Variants in MYO3B observed in about 807,000 individuals in gnomAD.
The protein encoded by MYO3B is myosin IIIB, also known as myosin-IIIb.
In MYO3B, 156 loss-of-function variants were observed where a neutral mutation model predicts 174.6. The observed-to-expected ratio is 0.89, with a 90% CI of 0.78 to 1.02. The LOEUF is 1.02. Among genes scored for constraint, MYO3B ranks in the 50% least tolerant of loss-of-function variants. MYO3B has a pLI of 0.00. For missense variants in MYO3B, 1,632 were observed against 1,639.4 expected, an observed-to-expected ratio of 1.00 and a Z score of 0.08; for synonymous variants, 563 against 569.1, an observed-to-expected ratio of 0.99 and a Z score of 0.15.
At chr2:170,469,635 C>T (rs1684849757) in intron 25 of MYO3B, among the ~76,000 whole-genome samples, 1 of 152,128 alleles carries the variant, frequency 6.6e-6, no homozygotes, top group African/African-American at 2.4e-5. Flanking sequence ...GACTTCTCCT[C>T]ACTTCCTTTA....
intron 29 of MYO3B, among the ~76,000 whole-genome samples, chr2:170,515,964 A>G (rs796381228): frequency 8.5e-5 from 13 of 152,254 alleles, no homozygotes; most frequent in African/African-American, 2.9e-4. Context: ...GATGGAGACA[A>G]TGAGAAAGTT....
intron 1 of MYO3B, among the ~76,000 whole-genome samples, chr2:170,183,515 A>G (rs1367838794): frequency 2.0e-5 from 3 of 152,184 alleles, no homozygotes; most frequent in Admixed American, 6.5e-5. Context: ...ATAGAAAAAT[A>G]TATTTTGAAA....
chr2:170,351,560 C>G (rs2094070231), intron 8 of MYO3B, among the ~76,000 whole-genome samples: 1 of 152,008 alleles, frequency 6.6e-6, no homozygotes, highest in Admixed American at 6.5e-5. Context: ...TACAACCTGG[C>G]TCTGGGCTAG....
chr2:170,584,928 C>A (rs1421565921), intron 32 of MYO3B, among the ~76,000 whole-genome samples: 1 of 152,214 alleles, frequency 6.6e-6, no homozygotes, highest in South Asian at 2.1e-4. Context: ...AACTGAGAAC[C>A]TTTCCACCTT....
chr2:170,314,001 G>A (rs982872389), intron 7 of MYO3B, among the ~76,000 whole-genome samples: 2 of 152,120 alleles, frequency 1.3e-5, no homozygotes, highest in Admixed American at 6.6e-5. Flanking sequence ...TTGGGTTTTC[G>A]TGAACCACAA....
At chr2:170,490,116 C>T (rs1686364806) in intron 25 of MYO3B, among the ~76,000 whole-genome samples, 1 of 151,160 alleles carries the variant, frequency 6.6e-6, no homozygotes, top group Non-Finnish European at 1.5e-5. Flanking sequence ...GCAACCTCCG[C>T]CTCCCGGGTT....
chr2:170,606,886 G>A (rs1694840328), intron 32 of MYO3B, among the ~76,000 whole-genome samples: 1 of 152,134 alleles, frequency 6.6e-6, no homozygotes, highest in Admixed American at 6.5e-5. Flanking sequence ...CAGGCGTGGT[G>A]GCACATGCCT....
At chr2:170,202,139 T>C (rs1208242730) in intron 3 of MYO3B, among the ~76,000 whole-genome samples, 2 of 152,152 alleles carry the variant, frequency 1.3e-5, no homozygotes, top group African/African-American at 4.8e-5. Flanking sequence ...ACTTGAAAGA[T>C]GAGAAAGAGC....
At chr2:170,544,299 G>A (rs542705997) in intron 32 of MYO3B, among the ~76,000 whole-genome samples, 5 of 152,292 alleles carry the variant, frequency 3.3e-5, no homozygotes, top group East Asian at 1.9e-4. Flanking sequence ...TTAGTGGAGC[G>A]GATCACGCAG....
At chr2:170,252,386 A>G (rs1408759327) in intron 7 of MYO3B, among the ~76,000 whole-genome samples, 3 of 152,258 alleles carry the variant, frequency 2.0e-5, no homozygotes, top group African/African-American at 7.2e-5. Flanking sequence ...TAGGTGAAAA[A>G]TGTTTGCCAA....
chr2:170,460,915 A>G (rs887309276), intron 23 of MYO3B, among the ~76,000 whole-genome samples: 2 of 152,224 alleles, frequency 1.3e-5, no homozygotes, highest in African/African-American at 4.8e-5. Context: ...TTCCTTTTAA[A>G]TTGTGTTTCA....
At chr2:170,281,108 G>A (rs1025872879) in intron 7 of MYO3B, among the ~76,000 whole-genome samples, 3 of 152,094 alleles carry the variant, frequency 2.0e-5, no homozygotes, top group African/African-American at 2.4e-5. Flanking sequence ...CTATCCATGA[G>A]CATGGGATGT....
At chr2:170,549,444 G>C (rs1690742379) in intron 32 of MYO3B, among the ~76,000 whole-genome samples, 1 of 152,166 alleles carries the variant, frequency 6.6e-6, no homozygotes, top group Non-Finnish European at 1.5e-5. Flanking sequence ...TTCATGGCCT[G>C]TCTAGCCACA....
rs1687035225 is a variant in MYO3B at position 170,498,671 on chromosome 2, A to C, written c.3094A>C (p.Arg1032=). 6.2e-7 allele frequency: 1 copy of C among 1,613,642 alleles called. No individual in the cohort carries two copies. Among genetic ancestry groups the C allele is most frequent in the African/African-American group, 1.3e-5 (1 of 74,936 alleles). ...CTGTGTGGCTATCTTGGAAAAGTCC[A>C]GATTAGATCACTGGGTACTGGGAAA... The part of the protein sequence containing the change: ...ESCVAILEKS[R]LDHWVLGKTK... The change falls in exon 26 of 35, where the codon AGA becomes CGA. Residue 1032 remains arginine (R), a synonymous_variant. Transcript: ENST00000408978.
At chr2:170,321,807 GC>G (rs2093828617) in intron 7 of MYO3B, among the ~76,000 whole-genome samples, 1 of 152,114 alleles carries the variant, frequency 6.6e-6, no homozygotes, top group Non-Finnish European at 1.5e-5. Flanking sequence ...ACACTTGCTG[GC>G]ACTGTGTGTT....
At chr2:170,524,715 G>A (rs1009832918) in intron 30 of MYO3B, 7 of 314,522 alleles carry the variant, frequency 2.2e-5, no homozygotes, top group South Asian at 7.3e-5. Flanking sequence ...AACTCCTGAC[G>A]TTCTAGCGAT....
At chr2:170,330,714 G>A (rs2093905560) in intron 7 of MYO3B, among the ~76,000 whole-genome samples, 2 of 152,102 alleles carry the variant, frequency 1.3e-5, no homozygotes, top group Admixed American at 1.3e-4. Flanking sequence ...GCTCATTTTG[G>A]TTATATATAT....
At chr2:170,562,142 T>G (rs1455819689) in intron 32 of MYO3B, among the ~76,000 whole-genome samples, 1 of 152,192 alleles carries the variant, frequency 6.6e-6, no homozygotes, top group Non-Finnish European at 1.5e-5. Flanking sequence ...TGGGATAATA[T>G]TTCACATTTT....
chr2:170,364,618 T>C (rs1357584226), intron 8 of MYO3B, among the ~76,000 whole-genome samples: 1 of 152,212 alleles, frequency 6.6e-6, no homozygotes, highest in East Asian at 1.9e-4. Context: ...TTCTTAGAAC[T>C]CCTTTAGTTC....
Sources: allele counts gnomAD v4.1 joint callset (sites outside exome capture counted in the v4.1 genomes callset), GRCh38; gene constraint gnomAD v4.1.1; transcripts MANE v1.5; gene names NCBI Gene and HGNC (gene_info 2026-07-23, HGNC 2026-07-21).